ZHX3: variants seen among roughly 807,000 people sequenced by gnomAD.
ZHX3 encodes the protein zinc fingers and homeoboxes 3.
In ZHX3, 20 loss-of-function variants were observed where a neutral mutation model predicts 64.5. That is an observed-to-expected ratio of 0.31 (90% CI 0.22 to 0.45). The LOEUF (loss-of-function observed/expected upper bound fraction) is 0.45, where lower values mean the gene tolerates loss of function less well. Ranked by LOEUF, ZHX3 falls within the 20% of genes least tolerant of loss-of-function variation. The probability of loss-of-function intolerance (pLI) is 1.00; values close to 1 mark genes in which losing one functional copy is unlikely to be tolerated. For missense variants in ZHX3, 1,041 were observed against 1,195.8 expected (o/e 0.87, Z 1.91); for synonymous variants, 423 against 461.6 (o/e 0.92, Z 1.07).
intron 2 of ZHX3, among the ~76,000 whole-genome samples, chr20:41,222,213 T>A (rs144639143): frequency 0.014 from 2,159 of 152,250 alleles, 28 homozygotes; most frequent in Middle Eastern, 0.024. Flanking sequence ...GTTTTGAAAG[T>A]AAAGCCGAAA....
At chr20:41,247,622 C>T (rs1306341979) in intron 2 of ZHX3, among the ~76,000 whole-genome samples, 1 of 152,096 alleles carries the variant, frequency 6.6e-6, no homozygotes, top group Non-Finnish European at 1.5e-5. Flanking sequence ...CCCTCCACTC[C>T]CCAGTGACCA....
intron 1 of ZHX3, among the ~76,000 whole-genome samples, chr20:41,308,798 T>C (rs1055827273): frequency 1.3e-5 from 2 of 152,186 alleles, no homozygotes; most frequent in African/African-American, 4.8e-5. Context: ...GACAACCCCT[T>C]GGGGATAACA....
At chr20:41,309,622 T>A (rs2045072622) in intron 1 of ZHX3, among the ~76,000 whole-genome samples, 1 of 152,136 alleles carries the variant, frequency 6.6e-6, no homozygotes, top group Admixed American at 6.5e-5. Context: ...CAATAAACCT[T>A]CCAGGTCACT....
At chr20:41,310,789 T>G (rs998071936) in intron 1 of ZHX3, among the ~76,000 whole-genome samples, 4 of 146,956 alleles carry the variant, frequency 2.7e-5, no homozygotes, top group East Asian at 2.0e-4. Context: ...CCAACCCAGA[T>G]AGTTAATTCT....
At chr20:41,296,951 G>T (rs2044561839) in intron 1 of ZHX3, among the ~76,000 whole-genome samples, 1 of 152,134 alleles carries the variant, frequency 6.6e-6, no homozygotes, top group South Asian at 2.1e-4. Flanking sequence ...TTTGGAGCTA[G>T]GGGTAGTAAC....
intron 2 of ZHX3, among the ~76,000 whole-genome samples, chr20:41,247,977 T>C (rs1270810050): frequency 6.6e-6 from 1 of 152,126 alleles, no homozygotes; most frequent in Non-Finnish European, 1.5e-5. Flanking sequence ...CAGTATAAAT[T>C]CCTAACTGTT....
chr20:41,259,093 A>G (rs2042424645), intron 2 of ZHX3, among the ~76,000 whole-genome samples: 2 of 152,220 alleles, frequency 1.3e-5, no homozygotes, highest in African/African-American at 4.8e-5. Context: ...AATTTGATGT[A>G]TATTCCATAT....
chr20:41,217,353 G>C (rs1330139265), intron 2 of ZHX3, among the ~76,000 whole-genome samples: 1 of 151,820 alleles, frequency 6.6e-6, no homozygotes, highest in African/African-American at 2.4e-5. Flanking sequence ...GTTCAAGTTG[G>C]GTTGGGATAT....
In ZHX3 at chr20:41,203,622, A is replaced by G; in HGVS notation, c.1295T>C (p.Met432Thr). 8 of 1,614,212 alleles carry G rather than the reference A, an allele frequency of 5.0e-6. No homozygotes were observed. Among genetic ancestry groups the G allele is most frequent in the Non-Finnish European group, 6.8e-6 (8 of 1,180,024 alleles). Residue 432 changes from methionine (M) to threonine (T), a missense_variant, in exon 3 of 4, where the codon ATG (methionine) becomes ACG (threonine). Around this residue, in one of 4 missense-constraint regions of ZHX3, gnomAD observed 649 missense variants for 739.8 expected, o/e 0.88. Coordinates refer to ENST00000683867, the MANE Select transcript of ZHX3 (RefSeq NM_001384317.1). The surrounding 1 kb of genome is among the most constrained non-coding windows in gnomAD (Gnocchi z 7.1). ...GGGLLVTQPL[M>T]ANGLQATSSP... The stretch of plus-strand genomic sequence containing the variant: ...ACTTGTTGCTTGCAACCCATTGGCC[A>G]TCAATGGCTGAGTGACCAGAAGTCC...
Position 41,243,850 on chromosome 20 carries a change from T to C in ZHX3, c.-151+25140A>G, listed in dbSNP as rs572722983. ...CAGTTTAGAAACCCTATGACGAGGA[T>C]CAACTCTGACTGGAGTGAGGATGAA... On this transcript the variant is annotated intron_variant, in intron 2 of 3. Transcript: ENST00000683867. Among the ~76,000 whole-genome samples, 591 of 152,194 alleles carry C rather than the reference T, an allele frequency of 3.9e-3. 2 individuals are homozygous for C. Among genetic ancestry groups the C allele is most frequent in the Non-Finnish European group, 5.7e-3 (386 of 68,028 alleles).
intron 1 of ZHX3, among the ~76,000 whole-genome samples, chr20:41,309,987 C>T (rs1353605380): frequency 6.6e-6 from 1 of 152,242 alleles, no homozygotes; most frequent in Non-Finnish European, 1.5e-5. Context: ...TCTCTAGCCA[C>T]ATCCTATTAC....
chr20:41,197,246 CATAT>C (rs1041500062), intron 3 of ZHX3: 1 of 134,236 alleles, frequency 7.4e-6, no homozygotes, highest in African/African-American at 2.7e-5. Flanking sequence ...ATTTAAAATA[CATAT>C]ATATTTTATA....
rs780107702 is a variant in ZHX3 at position 41,202,454 on chromosome 20, G to A, written c.2463C>T (p.Asn821=). 12 of 1,614,036 alleles carry A rather than the reference G, an allele frequency of 7.4e-6. No individual in the cohort carries two copies. Among genetic ancestry groups the A allele is most frequent in the African/African-American group, 2.7e-5 (2 of 74,918 alleles). The change falls in exon 3 of 4, where the codon AAC becomes AAT. Residue 821 remains asparagine (N), a synonymous_variant. Transcript: ENST00000683867. This position sits in a 1 kb window ranked among gnomAD's most constrained non-coding sequence, Gnocchi z 7.0. ...WFGDSRYALK[N]GQLKWYEDYK... is the part of the protein sequence containing the mutation. ...AGTCTTCGTACCATTTGAGTTGGCC[G>A]TTCTTCAGTGCGTACCTGCTATCTC...
At chr20:41,220,074 GCAAAATGATCAACAAAGTCATCAA>G (rs1485045906) in intron 2 of ZHX3, among the ~76,000 whole-genome samples, 2 of 152,190 alleles carry the variant, frequency 1.3e-5, no homozygotes, top group East Asian at 3.8e-4. Context: ...AAAATCATCA[GCAAAATGATCAACAAAGTCATCAA>G]CAAAATGATC....
chr20:41,218,711 G>A (rs2039720749), intron 2 of ZHX3, among the ~76,000 whole-genome samples: 1 of 152,128 alleles, frequency 6.6e-6, no homozygotes, highest in African/African-American at 2.4e-5. Context: ...GGATGTGCTG[G>A]TTGCAATTGT....
At chr20:41,239,279 G>T (rs2041227733) in intron 2 of ZHX3, among the ~76,000 whole-genome samples, 1 of 151,912 alleles carries the variant, frequency 6.6e-6, no homozygotes, top group African/African-American at 2.4e-5. Context: ...AAAGTGCTGG[G>T]ATTACAGGCG....
intron 3 of ZHX3, among the ~76,000 whole-genome samples, chr20:41,192,062 C>G (rs1223994204): frequency 1.3e-5 from 2 of 152,170 alleles, no homozygotes; most frequent in Non-Finnish European, 2.9e-5. Context: ...GCTGGCGTGG[C>G]ATGGGAGATG....
Position 41,204,352 on chromosome 20 carries a change from T to C in ZHX3, c.565A>G (p.Ile189Val), listed in dbSNP as rs559112655. Reference sequence around the variant, plus strand: ...TTGGCTTCAGCTTTGCCTTTCATTATCTTCATGATTGGAGTTTTGGTAATG... The same window carrying C: ...TTGGCTTCAGCTTTGCCTTTCATTACCTTCATGATTGGAGTTTTGGTAATG... ...IIITKTPIMKIMKGKAEAKKI... is the reference protein window; with the variant it reads ...IIITKTPIMKVMKGKAEAKKI... The change falls in exon 3 of 4, where the codon ATA becomes GTA. Residue 189 changes from isoleucine (I) to valine (V), a missense_variant. Physicochemically the swap from Ile to Val is conservative, Grantham distance 29. Transcript: ENST00000683867. This position sits in a 1 kb window ranked among gnomAD's most constrained non-coding sequence, Gnocchi z 6.6. The C allele has an allele frequency of 8.7e-6, 14 of 1,614,212 alleles. No individual in the cohort carries two copies. The highest frequency in any genetic ancestry group is 2.2e-5 in the South Asian group (2 of 91,086).
chr20:41,189,949 T>C (rs2036861675), intron 3 of ZHX3, among the ~76,000 whole-genome samples: 1 of 102,718 alleles, frequency 9.7e-6, no homozygotes, highest in Non-Finnish European at 1.8e-5. Context: ...AGTATGATGC[T>C]AGCTGTGGGT....
Sources: allele counts gnomAD v4.1 joint callset (sites outside exome capture counted in the v4.1 genomes callset), GRCh38; gene constraint gnomAD v4.1.1; regional missense constraint gnomAD v4.1.1; non-coding constraint Gnocchi (gnomAD v3.1); transcripts MANE v1.5; gene names NCBI Gene and HGNC (gene_info 2026-07-23, HGNC 2026-07-21).